Variants in ENTHD1 observed in about 807,000 individuals in gnomAD.
The protein encoded by ENTHD1 is ENTH domain containing 1.
Under a neutral mutation model 39.1 loss-of-function variants are expected in ENTHD1, and 23 were observed. The ratio of observed to expected loss-of-function variants is 0.59; its 90% CI spans 0.42 to 0.83. The LOEUF is 0.83. ENTHD1 is among the 40% of genes least tolerant of loss of function. ENTHD1 has a pLI of 0.00. For synonymous variants in ENTHD1, 230 were observed against 258.2 expected (o/e 0.89, Z 1.05); for missense variants, 624 against 705.4 (o/e 0.88, Z 1.31).
At chr22:39,814,764 A>G (rs778719715) in intron 5 of ENTHD1, among the ~76,000 whole-genome samples, 3 of 152,244 alleles carry the variant, frequency 2.0e-5, no homozygotes, top group Non-Finnish European at 4.4e-5. Flanking sequence ...TTCCAGCTGC[A>G]TTAAATATTT....
intron 5 of ENTHD1, among the ~76,000 whole-genome samples, chr22:39,804,371 A>AGTTACTTG (rs2098311580): frequency 6.7e-6 from 1 of 150,006 alleles, no homozygotes; most frequent in African/African-American, 2.5e-5. Context: ...CTCTAGTCCC[A>AGTTACTTG]GTTACTTGAG....
At chr22:39,751,748 A>G (rs2065149079) in intron 6 of ENTHD1, among the ~76,000 whole-genome samples, 1 of 152,162 alleles carries the variant, frequency 6.6e-6, no homozygotes, top group African/African-American at 2.4e-5. Flanking sequence ...GAGTCTTCTA[A>G]AACTTCTTGC....
At chr22:39,857,403 A>C (rs1371666147) in intron 3 of ENTHD1, among the ~76,000 whole-genome samples, 1 of 134,584 alleles carries the variant, frequency 7.4e-6, no homozygotes, top group Non-Finnish European at 1.5e-5. Context: ...AGATGGTGCC[A>C]TTGCTCTCCA....
chr22:39,765,137 C>A, intron 6 of ENTHD1, 86 bp downstream of exon 6: 1 of 1,436,908 alleles, frequency 7.0e-7, no homozygotes, highest in Non-Finnish European at 9.1e-7. Flanking sequence ...AGACAGAAAG[C>A]AGAGAAAAGT....
chr22:39,747,267 G>A (rs996915250), intron 6 of ENTHD1, among the ~76,000 whole-genome samples: 4 of 152,156 alleles, frequency 2.6e-5, no homozygotes, highest in African/African-American at 4.8e-5. Flanking sequence ...GATTACCTCT[G>A]TGAGCCACTG....
rs2065854369 is a variant in ENTHD1 at position 39,829,817 on chromosome 22, TA to T, written c.711+6022del. On this transcript the variant is annotated intron_variant, in intron 4 of 6. Coordinates refer to ENST00000325157, the MANE Select transcript of ENTHD1 (RefSeq NM_152512.4). ...ATAAATAAATAAATAAATAAATAAA[TA>T]AATAAATAAAATAATTTTTGACTTA... Among the ~76,000 whole-genome samples, 9 of 151,668 alleles carry T rather than the reference TA, an allele frequency of 5.9e-5. No individual in the cohort carries two copies. In the South Asian group the frequency reaches 1.9e-3, roughly 32 times the overall value.
At chr22:39,850,601 A>G (rs1004573704) in intron 3 of ENTHD1, among the ~76,000 whole-genome samples, 2 of 151,912 alleles carry the variant, frequency 1.3e-5, no homozygotes, top group African/African-American at 4.8e-5. Flanking sequence ...GTTCCACTTT[A>G]TGCTTTTTGC....
intron 4 of ENTHD1, among the ~76,000 whole-genome samples, chr22:39,833,766 ATGAT>A (rs1328659442): frequency 6.6e-6 from 1 of 151,968 alleles, no homozygotes; most frequent in African/African-American, 2.4e-5. Context: ...ACAGTAGAAA[ATGAT>A]TGAAGAAAAA....
chr22:39,787,885 T>A (rs2065472610), intron 5 of ENTHD1, among the ~76,000 whole-genome samples: 2 of 152,336 alleles, frequency 1.3e-5, no homozygotes, highest in Non-Finnish European at 2.9e-5. Flanking sequence ...TCAATGTAGA[T>A]GAAACAGGCT....
At chr22:39,846,701 AAAC>A (rs1327200895) in intron 3 of ENTHD1, among the ~76,000 whole-genome samples, 4 of 152,190 alleles carry the variant, frequency 2.6e-5, no homozygotes, top group Non-Finnish European at 5.9e-5. Context: ...TACAAGAAAA[AAAC>A]AAACAACCCC....
intron 2 of ENTHD1, among the ~76,000 whole-genome samples, chr22:39,885,798 C>A (rs1316252620): frequency 6.6e-6 from 1 of 152,042 alleles, no homozygotes; most frequent in South Asian, 2.1e-4. Context: ...ACAGATAGGG[C>A]CTTGGTGGAA....
At chr22:39,752,846 G>C (rs1195464354) in intron 6 of ENTHD1, among the ~76,000 whole-genome samples, 1 of 152,146 alleles carries the variant, frequency 6.6e-6, no homozygotes, top group East Asian at 1.9e-4. Flanking sequence ...TACTCTGCAC[G>C]GTGCTTCTAA....
At chr22:39,744,820 A>T (rs1416668793) in intron 6 of ENTHD1, among the ~76,000 whole-genome samples, 1 of 152,220 alleles carries the variant, frequency 6.6e-6, no homozygotes, top group African/African-American at 2.4e-5. Context: ...AACACATCTG[A>T]AATCTAGAAT....
chr22:39,850,017 A>G (rs556523712), intron 3 of ENTHD1, among the ~76,000 whole-genome samples: 3 of 152,300 alleles, frequency 2.0e-5, no homozygotes, highest in Non-Finnish European at 4.4e-5. Context: ...ATTTTTTGTT[A>G]ACTTCAAATT....
At chr22:39,831,127 G>T (rs1011709714) in intron 4 of ENTHD1, among the ~76,000 whole-genome samples, 5 of 152,132 alleles carry the variant, frequency 3.3e-5, no homozygotes, top group African/African-American at 1.2e-4. Context: ...TTATGCTCAG[G>T]TATTAGGATC....
intron 1 of ENTHD1, among the ~76,000 whole-genome samples, chr22:39,889,356 C>G (rs1278369503): frequency 3.9e-5 from 6 of 152,108 alleles, no homozygotes; most frequent in African/African-American, 1.4e-4. Flanking sequence ...TGTGAATGAT[C>G]AATTCAGTTT....
intron 5 of ENTHD1, among the ~76,000 whole-genome samples, chr22:39,784,447 C>T (rs1414792554): frequency 1.3e-5 from 2 of 151,678 alleles, no homozygotes; most frequent in Non-Finnish European, 2.9e-5. Flanking sequence ...ATTTGCATGC[C>T]CATGTTTATT....
chr22:39,766,000 C>A (rs1428245121), intron 5 of ENTHD1, among the ~76,000 whole-genome samples: 1 of 128,172 alleles, frequency 7.8e-6, no homozygotes, highest in Non-Finnish European at 1.6e-5. Flanking sequence ...CTGGTCTATC[C>A]TTACAGAACC....
At position 39,887,917 on chromosome 22, in the gene ENTHD1, A is replaced by C; in HGVS notation, c.-155-14T>G. ...AGTATCAATTTCCTGCAAGGAAAGC[A>C]CAAAAAAATTTACATTAAACTTTTT... On this transcript the variant is annotated splice_polypyrimidine_tract_variant and intron_variant, in intron 1 of 6. Transcript: ENST00000325157. 1.8e-6 allele frequency: 1 copy of C among 542,262 alleles called. No homozygotes were observed. Among genetic ancestry groups the C allele is most frequent in the African/African-American group, 1.9e-5 (1 of 52,318 alleles). The allele number at this position is 542,262 out of a possible 1,614,324, so 33.6% of individuals were successfully genotyped here.
Sources: gnomAD v4.1 joint callset for allele counts (sites outside exome capture counted in the v4.1 genomes callset) on GRCh38, gnomAD v4.1.1 for gene constraint, MANE v1.5 for transcripts, NCBI Gene and HGNC (gene_info 2026-07-23, HGNC 2026-07-21) for gene names.